PCDHA7: variants seen among roughly 807,000 people sequenced by gnomAD.
PCDHA7 encodes protocadherin alpha 7, also known as protocadherin alpha-7.
A neutral mutation model predicts 57.2 loss-of-function variants in PCDHA7; 37 were observed. That is an observed-to-expected ratio of 0.65 (90% CI 0.50 to 0.85). The LOEUF (loss-of-function observed/expected upper bound fraction) is 0.85. Among genes scored for constraint, PCDHA7 ranks in the 40% least tolerant of loss-of-function variants. The pLI is 0.00. For synonymous variants in PCDHA7, 553 were observed against 558.8 expected (o/e 0.99, Z 0.15); for missense variants, 1,188 against 1,241.8 (o/e 0.96, Z 0.65).
At chr5:140,921,588 T>C (rs534654717) in intron 1 of PCDHA7, among the ~76,000 whole-genome samples, 1 of 152,342 alleles carries the variant, frequency 6.6e-6, no homozygotes, top group African/African-American at 2.4e-5. Flanking sequence ...TACTATATTA[T>C]GGTTTCAAAG....
At chr5:140,927,220 A>T (rs1554204179) in intron 1 of PCDHA7, 1 of 1,614,090 alleles carries the variant, frequency 6.2e-7, no homozygotes, top group Admixed American at 1.7e-5. Flanking sequence ...GCTGCACAAG[A>T]TTCGGATTCA....
intron 1 of PCDHA7, among the ~76,000 whole-genome samples, chr5:140,874,303 C>T (rs1299985366): frequency 6.6e-6 from 1 of 152,088 alleles, no homozygotes. Flanking sequence ...TACTTGTTCA[C>T]AATGAGTTGT....
At chr5:140,970,948 C>T (rs1339410112) in intron 1 of PCDHA7, among the ~76,000 whole-genome samples, 1 of 152,114 alleles carries the variant, frequency 6.6e-6, no homozygotes, top group Non-Finnish European at 1.5e-5. Context: ...TGCTGAGAAA[C>T]CATGGGAGGC....
intron 3 of PCDHA7, among the ~76,000 whole-genome samples, chr5:140,984,074 A>T (rs1554245949): frequency 6.6e-6 from 1 of 152,268 alleles, no homozygotes; most frequent in African/African-American, 2.4e-5. Context: ...AGTGCCAACG[A>T]TGGAGTGAAG....
chr5:140,839,744 G>A (rs935121043), intron 1 of PCDHA7, among the ~76,000 whole-genome samples: 1 of 151,944 alleles, frequency 6.6e-6, no homozygotes, highest in African/African-American at 2.4e-5. Flanking sequence ...ACCCTTATTT[G>A]CCTTTCCTAT....
intron 1 of PCDHA7, among the ~76,000 whole-genome samples, chr5:140,938,765 A>G (rs1554212377): frequency 6.6e-6 from 1 of 152,182 alleles, no homozygotes; most frequent in Non-Finnish European, 1.5e-5. Context: ...GTTATTGGGT[A>G]CTAGACTTAG....
intron 1 of PCDHA7, chr5:140,883,347 G>A (rs782384832): frequency 3.7e-6 from 6 of 1,614,046 alleles, no homozygotes; most frequent in African/African-American, 1.3e-5. Flanking sequence ...CTCCCCATCA[G>A]AGAAGACACT....
intron 1 of PCDHA7, chr5:140,870,414 G>A (rs374225281): frequency 4.0e-5 from 64 of 1,614,112 alleles, no homozygotes; most frequent in Non-Finnish European, 5.0e-5. Context: ...TGTGGGCCAC[G>A]GCCAGGGTAT....
chr5:140,843,091 G>A (rs1554139733), intron 1 of PCDHA7: 3 of 1,595,616 alleles, frequency 1.9e-6, no homozygotes, highest in Non-Finnish European at 2.6e-6. Flanking sequence ...CGGGCCACGT[G>A]GTAGCGAAGG....
chr5:140,954,992 G>A (rs1017301016), intron 1 of PCDHA7, among the ~76,000 whole-genome samples: 1 of 152,094 alleles, frequency 6.6e-6, no homozygotes, highest in Non-Finnish European at 1.5e-5. Flanking sequence ...TTCTGCATAT[G>A]GCTAGCCAAT....
chr5:140,869,465 T>G (rs1291817814), intron 1 of PCDHA7: 7 of 1,614,026 alleles, frequency 4.3e-6, no homozygotes, highest in Non-Finnish European at 5.9e-6. Context: ...CATGTGAACG[T>G]GGAGGTGAAG....
At chr5:140,969,638 G>A (rs1461834971) in intron 1 of PCDHA7, 1 of 210,658 alleles carries the variant, frequency 4.7e-6, no homozygotes, top group African/African-American at 2.4e-5. Context: ...ACAGGCCTTG[G>A]AATAGGGATT....
chr5:140,981,787 T>C (rs2096951436), intron 2 of PCDHA7, among the ~76,000 whole-genome samples: 1 of 152,116 alleles, frequency 6.6e-6, no homozygotes, highest in Non-Finnish European at 1.5e-5. Flanking sequence ...CCATGTTCTC[T>C]TTTCCCTTGA....
At position 140,835,725 on chromosome 5, in the gene PCDHA7, G is replaced by C. The variant is rs2150243206; in HGVS notation, c.1342G>C (p.Val448Leu). The C allele has an allele frequency of 6.2e-7, 1 of 1,613,874 alleles. No homozygotes were observed. Residue 448 changes from valine (V) to leucine (L), a missense_variant, in exon 1 of 4, where the codon GTG (valine) becomes CTG (leucine). Val to Leu is a conservative substitution (Grantham distance 32). This residue lies in a region of PCDHA7 where 892 missense variants were observed against 788.5 expected (regional missense o/e 1.13). Transcript: ENST00000525929. ...TAGCGTGTCCGTGGAGGTGGCCGAC[G>C]TGAACGACAACGCCCCGGCGTTCGC... ...TASVSVEVAD[V>L]NDNAPAFAQP...
chr5:140,944,364 T>G (rs1264806074), intron 1 of PCDHA7, among the ~76,000 whole-genome samples: 1 of 152,072 alleles, frequency 6.6e-6, no homozygotes, highest in Non-Finnish European at 1.5e-5. Flanking sequence ...ATTTTTAATT[T>G]TTTATAGAGA....
chr5:140,858,944 T>TA (rs2045667793), intron 1 of PCDHA7: 1 of 159,332 alleles, frequency 6.3e-6, no homozygotes, highest in Admixed American at 6.4e-5. Context: ...TGTTCAGTGA[T>TA]TACAGCTTTT....
rs199847007 is a variant in PCDHA7, at chr5:140,883,896, C to A, written c.2355+47158C>A. ...GTGAGCGCGCGCGACTCTGGCGTGC[C>A]GCCTCTGGGCAGCAACGTGACGCTG... On this transcript the variant is annotated intron_variant, in intron 1 of 3. Transcript: ENST00000525929. The A allele has an allele frequency of 3.1e-6, 5 of 1,613,386 alleles. 1 individual carries two copies. In the South Asian group the frequency reaches 4.4e-5, roughly 14 times the overall value.
chr5:140,921,716 A>C (rs1554200396), intron 1 of PCDHA7, among the ~76,000 whole-genome samples: 1 of 152,202 alleles, frequency 6.6e-6, no homozygotes, highest in Non-Finnish European at 1.5e-5. Context: ...TAAACACACG[A>C]ATTACTCCCA....
At chr5:140,982,348 T>A (rs1253085859) in intron 2 of PCDHA7, 127 bp from the exon 3 acceptor site, 1 of 1,496,080 alleles carries the variant, frequency 6.7e-7, no homozygotes, top group East Asian at 2.4e-5. Flanking sequence ...TTGCTTCAGT[T>A]CAAGCATGAG....
Sources: gnomAD v4.1 joint callset for allele counts (sites outside exome capture counted in the v4.1 genomes callset) on GRCh38, gnomAD v4.1.1 for gene constraint, gnomAD v4.1.1 regional missense constraint, MANE v1.5 for transcripts, NCBI Gene and HGNC (gene_info 2026-07-23, HGNC 2026-07-21) for gene names.